Variants in FSD1L observed in about 807,000 individuals in gnomAD.
FSD1L encodes the protein fibronectin type III and SPRY domain containing 1 like.
In FSD1L, 45 loss-of-function variants were observed where a neutral mutation model predicts 71.6. The ratio of observed to expected loss-of-function variants is 0.63; its 90% CI spans 0.49 to 0.81. The LOEUF is 0.81. Among genes scored for constraint, FSD1L ranks in the 30% least tolerant of loss-of-function variants. FSD1L has a pLI of 0.00. For missense variants in FSD1L, 561 were observed against 618.1 expected (o/e 0.91, Z 0.98); for synonymous variants, 197 against 207.2 (o/e 0.95, Z 0.42).
In FSD1L at chr9:105,467,189, T is replaced by C. The variant is rs543422626; in HGVS notation, c.208-1004T>C. Among the ~76,000 whole-genome samples, 23 of 152,332 alleles carry C rather than the reference T, an allele frequency of 1.5e-4. 1 individual carries two copies. In the South Asian group the frequency reaches 4.6e-3, roughly 30 times the overall value. On this transcript the variant is annotated intron_variant, in intron 3 of 13. Transcript: ENST00000481272. ...GTTCTTACTACTGTAAATAGACTAG[T>C]AAAATAATTACCACCACCTTTGATG...
chr9:105,520,827 C>T (rs1589067785), intron 10 of FSD1L: 2 of 1,612,140 alleles, frequency 1.2e-6, no homozygotes, highest in Admixed American at 1.7e-5. Flanking sequence ...AGAAATCACT[C>T]CTCTTGTCCC....
intron 10 of FSD1L, chr9:105,520,222 GCATCGT>G: frequency 6.2e-7 from 1 of 1,610,612 alleles, no homozygotes; most frequent in East Asian, 2.2e-5. Context: ...AAGCACCTGC[GCATCGT>G]CATCGAGTTA....
intron 10 of FSD1L, chr9:105,524,981 G>A (rs1835416864): frequency 6.2e-7 from 1 of 1,607,178 alleles, no homozygotes. Flanking sequence ...CAGATCAGAA[G>A]AGAATATGCC....
rs145741088 is a variant in FSD1L at position 105,451,613 on chromosome 9, T to G, written c.15+3378T>G. 7.6e-4 allele frequency among the ~76,000 whole-genome samples: 115 copies of G among 152,310 alleles called. No homozygotes were observed. The Middle Eastern group carries it at 0.014, about 18-fold the overall frequency. On this transcript the variant is annotated intron_variant, in intron 1 of 13. Transcript: ENST00000481272. ...AAACCACAGTATTAACTCCTGGAAA[T>G]AAACAGAGGGATTTTGTTTATATCG...
upstream of FSD1L, chr9:105,447,880 GA>G: frequency 1.2e-5 from 5 of 430,120 alleles, no homozygotes; most frequent in Non-Finnish European, 1.2e-5. Context: ...ATCGCTGGAG[GA>G]AAAAGGATGG....
chr9:105,480,843 C>G (rs1422492376), intron 6 of FSD1L, among the ~76,000 whole-genome samples: 2 of 152,062 alleles, frequency 1.3e-5, no homozygotes. Context: ...GCTACCTATC[C>G]CACTGCATCC....
At chr9:105,493,076 A>G (rs62575101) in intron 7 of FSD1L, among the ~76,000 whole-genome samples, 1 of 151,492 alleles carries the variant, frequency 6.6e-6, no homozygotes, top group African/African-American at 2.4e-5. Context: ...TGTCTCGTTG[A>G]TCTGTCTAAT....
chr9:105,453,100 T>C (rs1483877480), intron 1 of FSD1L, among the ~76,000 whole-genome samples: 1 of 141,048 alleles, frequency 7.1e-6, no homozygotes, highest in Non-Finnish European at 1.5e-5. Flanking sequence ...AAATAGTTGA[T>C]AGATGATAAA....
chr9:105,504,901 G>A (rs563873240), intron 7 of FSD1L, among the ~76,000 whole-genome samples: 58 of 152,268 alleles, frequency 3.8e-4, no homozygotes, highest in Non-Finnish European at 6.6e-4. Context: ...TATATTTGTG[G>A]AGAATTGAGC....
At chr9:105,506,020 G>A (rs1834030752) in intron 7 of FSD1L, among the ~76,000 whole-genome samples, 1 of 152,130 alleles carries the variant, frequency 6.6e-6, no homozygotes, top group African/African-American at 2.4e-5. Context: ...ATTTTGCAGG[G>A]TTGGGAAACA....
intron 13 of FSD1L, among the ~76,000 whole-genome samples, chr9:105,545,782 G>A (rs1310380541): frequency 6.6e-6 from 1 of 151,950 alleles, no homozygotes; most frequent in African/African-American, 2.4e-5. Flanking sequence ...CTTTCACAAA[G>A]TCATTCACAT....
intron 10 of FSD1L, chr9:105,522,547 G>A (rs997516884): frequency 3.2e-5 from 52 of 1,613,468 alleles, no homozygotes; most frequent in South Asian, 2.6e-4. Context: ...ATACTTCCCC[G>A]CTCAACTAGA....
chr9:105,467,916 T>A (rs1451101957), intron 3 of FSD1L, among the ~76,000 whole-genome samples: 1 of 152,210 alleles, frequency 6.6e-6, no homozygotes, highest in Non-Finnish European at 1.5e-5. Flanking sequence ...CCTTTCATGT[T>A]GTCCTGTGGA....
At chr9:105,512,231 T>C (rs112634816) in intron 9 of FSD1L, among the ~76,000 whole-genome samples, 1 of 133,124 alleles carries the variant, frequency 7.5e-6, no homozygotes, top group African/African-American at 2.8e-5. Flanking sequence ...TATGTGGTTC[T>C]TTTCCCTCTG....
intron 10 of FSD1L, chr9:105,522,829 G>A (rs1835262474): frequency 5.0e-6 from 8 of 1,612,674 alleles, no homozygotes; most frequent in Non-Finnish European, 6.8e-6. Context: ...ACAAGAAGAG[G>A]AAGTAGTCCA....
chr9:105,520,265 A>G (rs1456621595), intron 10 of FSD1L: 6 of 1,586,500 alleles, frequency 3.8e-6, no homozygotes, highest in African/African-American at 2.7e-5. Flanking sequence ...AAGAAGATGC[A>G]TTCATCCAGA....
At position 105,449,779 on chromosome 9, in the gene FSD1L, G is replaced by GAGGAATCAGGACATGT. The variant is rs66477748; in HGVS notation, c.15+1546_15+1547insGAATCAGGACATGTAG. 1.6e-3 allele frequency among the ~76,000 whole-genome samples: 22 copies of GAGGAATCAGGACATGT among 13,722 alleles called. No homozygotes were observed. The South Asian group carries it at 0.021, about 13-fold the overall frequency. The allele number at this position is 13,722 out of a possible 152,430, so 9.0% of individuals were successfully genotyped here. On this transcript the variant is annotated intron_variant, in intron 1 of 13. Transcript: ENST00000481272. ...GGGATGCATTATTCCTTACTTTAAT[G>GAGGAATCAGGACATGT]AGTTGTGACTCCTGGAAGGTCATGC...
intron 7 of FSD1L, among the ~76,000 whole-genome samples, chr9:105,487,056 AAAG>A (rs1248254424): frequency 3.9e-5 from 6 of 152,154 alleles, no homozygotes; most frequent in Admixed American, 1.3e-4. Context: ...GAACTCAAAA[AAAG>A]GAAGCATACA....
In FSD1L at chr9:105,525,054, ATC is replaced by A. The variant is rs1452712742; in HGVS notation, c.1026-9433_1026-9432del. ...TCAAATGTCAGAATCATAGTACGTG[ATC>A]TCTCTGGAAAATATTCATGGGATTC... is the stretch of plus-strand genomic sequence containing the variant. On this transcript the variant is annotated intron_variant, in intron 10 of 13. Transcript: ENST00000481272. 1.9e-6 allele frequency: 3 copies of A among 1,580,656 alleles called. No individual in the cohort carries two copies. The African/African-American group carries it at 4.1e-5, about 22-fold the overall frequency.
Sources: allele counts gnomAD v4.1 joint callset (sites outside exome capture counted in the v4.1 genomes callset), GRCh38; gene constraint gnomAD v4.1.1; transcripts MANE v1.5; gene names NCBI Gene and HGNC (gene_info 2026-07-23, HGNC 2026-07-21).